The following CPLANE1 variants were observed in gnomAD, a reference collection of about 807,000 sequenced individuals.
CPLANE1 encodes the protein ciliogenesis and planar polarity effector 1.
In CPLANE1, 263 loss-of-function variants were observed where a neutral mutation model predicts 362.5. That is an observed-to-expected ratio of 0.73 (90% CI 0.66 to 0.80). The LOEUF is 0.80. Ranked by LOEUF, CPLANE1 falls within the 30% of genes least tolerant of loss-of-function variation. The pLI, the probability that CPLANE1 is intolerant of heterozygous loss-of-function variation, is 0.00. For missense variants in CPLANE1, 3,461 were observed against 3,793.4 expected, an observed-to-expected ratio of 0.91 and a Z score of 2.30; for synonymous variants, 1,212 against 1,302.6, an observed-to-expected ratio of 0.93 and a Z score of 1.50.
chr5:37,094,164 C>T, the CPLANE1 span, among the ~76,000 whole-genome samples: 2 of 152,188 alleles, frequency 1.3e-5, no homozygotes, highest in Non-Finnish European at 2.9e-5. Context: ...TCCTTAGAGT[C>T]TGTAAGTGGC....
intron 38 of CPLANE1, among the ~76,000 whole-genome samples, chr5:37,158,874 C>T (rs1329138932): frequency 1.3e-5 from 2 of 151,412 alleles, no homozygotes; most frequent in African/African-American, 2.4e-5. Flanking sequence ...TTGCAACCTC[C>T]ACCTCCCGGG....
chr5:37,193,948 G>C (rs1269382534), intron 21 of CPLANE1, among the ~76,000 whole-genome samples: 1 of 147,148 alleles, frequency 6.8e-6, no homozygotes, highest in Admixed American at 6.8e-5. Context: ...TTGAGACAGA[G>C]TCTCGTCCTG....
At chr5:37,157,241 C>T (rs536750725) in intron 41 of CPLANE1, 72 bp downstream of exon 41, 3 of 931,604 alleles carry the variant, frequency 3.2e-6, no homozygotes, top group Non-Finnish European at 3.0e-6. Flanking sequence ...TTGCAATTAC[C>T]AAATTTTGGT....
Position 37,142,620 on chromosome 5 carries a change from T to C in CPLANE1, c.8462-140A>G, listed in dbSNP as rs926743478. On this transcript the variant is annotated intron_variant, in intron 43 of 52. Transcript: ENST00000651892. ...ATATTATGCTAATAGCTTTCTACTG[T>C]ATAATGAATTTAATAAAAAATTTGA... 1.5e-5 allele frequency: 7 copies of C among 478,028 alleles called. No individual in the cohort carries two copies. In the Admixed American group the frequency reaches 2.9e-4, roughly 20 times the overall value. 29.6% of individuals were successfully genotyped at this position (478,028 alleles called of 1,614,324 possible). A position where few individuals can be genotyped will look rare whatever the true frequency, so the allele number is the denominator to read the frequency against.
At position 37,227,636 on chromosome 5, in the gene CPLANE1, T is replaced by G. The variant is rs1184764389; in HGVS notation, c.1303A>C (p.Met435Leu). Residue 435 changes from methionine (M) to leucine (L), a missense_variant, in exon 10 of 53, where the codon ATG becomes CTG. This residue lies in a region of CPLANE1 where 3,380 missense variants were observed against 3,666.1 expected (regional missense o/e 0.92). Coordinates refer to ENST00000651892, the MANE Select transcript of CPLANE1 (RefSeq NM_001384732.1). ...FLDSLSPSVH[M>L]RSLLLDSTQR... The stretch of plus-strand genomic sequence containing the variant: ...GTTGAATCAAGTAGAAGTGATCTCA[T>G]GTGTACTGATGGAGATAGGCTATCA... 3 of 1,551,320 alleles carry G rather than the reference T, an allele frequency of 1.9e-6. No individual in the cohort carries two copies. Among genetic ancestry groups the G allele is most frequent in the Non-Finnish European group, 2.6e-6 (3 of 1,146,680 alleles).
At chr5:37,186,509 T>C in intron 23 of CPLANE1, 115 bp from the exon 24 acceptor site, 1 of 621,196 alleles carries the variant, frequency 1.6e-6, no homozygotes, top group South Asian at 2.0e-5. Flanking sequence ...TACTAATCTT[T>C]TGAAGTCAGG....
At chr5:37,088,017 A>AG in the CPLANE1 span, among the ~76,000 whole-genome samples, 2 of 152,202 alleles carry the variant, frequency 1.3e-5, no homozygotes, top group African/African-American at 4.8e-5. Flanking sequence ...GCTCCAAGGG[A>AG]GGGGTCCTCA....
intron 51 of CPLANE1, among the ~76,000 whole-genome samples, chr5:37,114,642 G>A (rs889535506): frequency 6.6e-6 from 1 of 152,118 alleles, no homozygotes; most frequent in Non-Finnish European, 1.5e-5. Context: ...GCTCATGCCT[G>A]TAATCACAGG....
rs1356967715 is a variant in CPLANE1 at position 37,111,325 on chromosome 5, G to A, written c.9401-2854C>T. ...ATTTTTAGTAGAGACGGGGTTTCACGGTGTTAGCCAGGATGGTCTTGATCT... is the reference window on the plus strand; with the variant it reads ...ATTTTTAGTAGAGACGGGGTTTCACAGTGTTAGCCAGGATGGTCTTGATCT... On this transcript the variant is annotated intron_variant, in intron 51 of 52. Transcript: ENST00000651892. Among the ~76,000 whole-genome samples the A allele has an allele frequency of 2.9e-5, 4 of 139,766 alleles. No individual in the cohort carries two copies. In the South Asian group the frequency reaches 6.9e-4, roughly 24 times the overall value. The allele number at this position is 139,766 out of a possible 152,430, so 91.7% of individuals were successfully genotyped here. A position where few individuals can be genotyped will look rare whatever the true frequency, so the allele number is the denominator to read the frequency against.
chr5:37,205,843 A>AGTTGGGAC (rs1790565671), intron 17 of CPLANE1, among the ~76,000 whole-genome samples: 1 of 152,184 alleles, frequency 6.6e-6, no homozygotes, highest in Non-Finnish European at 1.5e-5. Context: ...CCTCCCAAGT[A>AGTTGGGAC]GTTGGGACCA....
At chr5:37,152,288 C>T (rs1359608889) in intron 42 of CPLANE1, among the ~76,000 whole-genome samples, 2 of 151,986 alleles carry the variant, frequency 1.3e-5, no homozygotes, top group Non-Finnish European at 2.9e-5. Flanking sequence ...GTGATCCTTC[C>T]ACCTCAGCCT....
chr5:37,170,274 G>A lies in CPLANE1; in HGVS notation c.6229C>T (p.Leu2077Phe), dbSNP rs762000335. The A allele has an allele frequency of 6.2e-7, 1 of 1,614,190 alleles. No individual in the cohort carries two copies. The highest frequency in any genetic ancestry group is 1.1e-5 in the South Asian group (1 of 91,082). ...TGTACAAGTTGTTGTGTATCTGGGAGATTAGCAAAGGATGATCCTACTATT... is the reference window on the plus strand; with the variant it reads ...TGTACAAGTTGTTGTGTATCTGGGAAATTAGCAAAGGATGATCCTACTATT... ...MQIVGSSFAN[L>F]PDTQQLVQQS... The change falls in exon 33 of 53, where the codon CTC (leucine) becomes TTC (phenylalanine). Residue 2077 changes from leucine to phenylalanine, a missense_variant. Leu to Phe is a conservative substitution (Grantham distance 22). Coordinates refer to ENST00000651892, the MANE Select transcript of CPLANE1 (RefSeq NM_001384732.1).
At chr5:37,126,986 T>G (rs1764307320) in intron 46 of CPLANE1, among the ~76,000 whole-genome samples, 1 of 152,212 alleles carries the variant, frequency 6.6e-6, no homozygotes, top group African/African-American at 2.4e-5. Context: ...TCTGATATCT[T>G]AATACATGGC....
intron 21 of CPLANE1, among the ~76,000 whole-genome samples, chr5:37,189,261 G>A (rs758722040): frequency 2.6e-5 from 4 of 152,114 alleles, no homozygotes; most frequent in Non-Finnish European, 5.9e-5. Flanking sequence ...AAGTCAAAAA[G>A]AACAGTTTGA....
intron 24 of CPLANE1, 46 bp from the exon 25 acceptor site, chr5:37,185,125 C>A (rs1371848918): frequency 6.5e-7 from 1 of 1,534,122 alleles, no homozygotes; most frequent in South Asian, 1.3e-5. Flanking sequence ...TAAAATATTT[C>A]AATTCAAGAC....
chr5:37,233,597 C>T (rs1173300060), intron 8 of CPLANE1, among the ~76,000 whole-genome samples: 1 of 152,024 alleles, frequency 6.6e-6, no homozygotes, highest in Non-Finnish European at 1.5e-5. Context: ...CCCCCCAAAC[C>T]ATCACAACTT....
chr5:37,087,751 T>A, the CPLANE1 span, among the ~76,000 whole-genome samples: 2 of 152,306 alleles, frequency 1.3e-5, no homozygotes, highest in South Asian at 4.1e-4. Context: ...CCACCGCACC[T>A]GGCCACAACT....
intron 31 of CPLANE1, among the ~76,000 whole-genome samples, chr5:37,174,508 C>T (rs985750050): frequency 6.6e-6 from 1 of 151,094 alleles, no homozygotes. Context: ...ACCATAAACC[C>T]TAATAAAAAA....
At chr5:37,174,313 G>T (rs1780579890) in intron 31 of CPLANE1, among the ~76,000 whole-genome samples, 1 of 152,062 alleles carries the variant, frequency 6.6e-6, no homozygotes, top group African/African-American at 2.4e-5. Flanking sequence ...TTTGTAATTT[G>T]GCTTAGAAAT....
Sources: allele counts gnomAD v4.1 joint callset (sites outside exome capture counted in the v4.1 genomes callset), GRCh38; gene constraint gnomAD v4.1.1; regional missense constraint gnomAD v4.1.1; transcripts MANE v1.5; gene names NCBI Gene and HGNC (gene_info 2026-07-23, HGNC 2026-07-21).